Variants in PDE4B observed in about 807,000 individuals in gnomAD.
PDE4B encodes the protein 3',5'-cyclic-AMP phosphodiesterase 4B.
PDE4B carries 20 observed loss-of-function variants against 82.2 expected under a neutral mutation model. That is an observed-to-expected ratio of 0.24 (90% CI 0.17 to 0.35). PDE4B has a LOEUF of 0.35. Ranked by LOEUF, PDE4B falls within the 10% of genes least tolerant of loss-of-function variation. PDE4B has a pLI of 1.00. For synonymous variants in PDE4B, 320 were observed against 318.9 expected, an observed-to-expected ratio of 1.00 and a Z score of -0.04; for missense variants, 655 against 907.2, an observed-to-expected ratio of 0.72 and a Z score of 3.57.
intron 3 of PDE4B, among the ~76,000 whole-genome samples, chr1:66,081,915 A>G (rs1656761321): frequency 6.6e-6 from 1 of 151,946 alleles, no homozygotes; most frequent in Admixed American, 6.6e-5. Context: ...GCCCATTAAA[A>G]TAGCATGTAC....
Position 66,372,589 on chromosome 1 carries a change from C to T in PDE4B, c.2122C>T (p.Leu708Phe). The part of the protein sequence containing the change: ...GHSYFSSTKT[L>F]CVIDPENRDS... Reference sequence around the variant, plus strand: ...CAGCTATTTCAGCAGCACAAAGACGCTTTGTGTGATTGATCCAGAAAACAG... The same window carrying T: ...CAGCTATTTCAGCAGCACAAAGACGTTTTGTGTGATTGATCCAGAAAACAG... Residue 708 changes from leucine (L) to phenylalanine (F), a missense_variant, in exon 17 of 17, where the codon CTT (leucine) becomes TTT (phenylalanine). Physicochemically the swap from Leu to Phe is conservative, Grantham distance 22. This residue lies in a region of PDE4B where 119 missense variants were observed against 115.2 expected (regional missense o/e 1.03). Transcript: ENST00000341517. 2 of 1,614,132 alleles carry T rather than the reference C, an allele frequency of 1.2e-6. No individual in the cohort carries two copies. The highest frequency in any genetic ancestry group is 1.7e-6 in the Non-Finnish European group (2 of 1,179,988).
At chr1:66,331,938 GA>G (rs1352215533) in intron 7 of PDE4B, 1 of 996,952 alleles carries the variant, frequency 1.0e-6, no homozygotes, top group African/African-American at 1.7e-5. Context: ...CGCTGAATTA[GA>G]AGTTATTCCA....
At chr1:66,333,813 A>G (rs1352153184) in intron 8 of PDE4B, among the ~76,000 whole-genome samples, 2 of 152,064 alleles carry the variant, frequency 1.3e-5, no homozygotes. Context: ...CTCTTTGTTT[A>G]TTGGTTAATG....
chr1:66,295,122 G>A (rs1416017021), intron 7 of PDE4B, among the ~76,000 whole-genome samples: 2 of 152,294 alleles, frequency 1.3e-5, no homozygotes, highest in East Asian at 3.9e-4. Flanking sequence ...GGACTTCGAA[G>A]TAGGGGAAGT....
rs569326524 is a variant in PDE4B at position 66,077,939 on chromosome 1, G to T, written c.281+159104G>T. 1.2e-3 allele frequency among the ~76,000 whole-genome samples: 181 copies of T among 152,232 alleles called. 2 individuals are homozygous for T. The highest frequency in any genetic ancestry group is 1.7e-3 in the Non-Finnish European group (114 of 68,004). On this transcript the variant is annotated intron_variant, in intron 3 of 16. Transcript: ENST00000341517. ...TTCTCTGTACTGTTCTAAGCAATTTGTAAAAATTATTTCTCACAATGGTAG... is the reference window on the plus strand; with the variant it reads ...TTCTCTGTACTGTTCTAAGCAATTTTTAAAAATTATTTCTCACAATGGTAG...
At chr1:66,340,496 A>T (rs1660896027) in intron 8 of PDE4B, among the ~76,000 whole-genome samples, 1 of 152,210 alleles carries the variant, frequency 6.6e-6, no homozygotes, top group Admixed American at 6.5e-5. Flanking sequence ...TTTGAAATCT[A>T]GAGCCCCCAA....
chr1:65,890,080 A>G (rs955360194), intron 1 of PDE4B, among the ~76,000 whole-genome samples: 3 of 152,102 alleles, frequency 2.0e-5, no homozygotes, highest in African/African-American at 4.8e-5. Context: ...TAGAACTGCT[A>G]GAACTGCTAA....
chr1:66,357,252 G>A lies in PDE4B; in HGVS notation c.841+1632G>A, dbSNP rs1487367250. Among the ~76,000 whole-genome samples, 3 of 152,110 alleles carry A rather than the reference G, an allele frequency of 2.0e-5. No individual in the cohort carries two copies. The East Asian group carries it at 5.8e-4, about 29-fold the overall frequency. The stretch of plus-strand genomic sequence containing the variant: ...CTGAGCCCTTAATCATCCAAGACTG[G>A]ACCTAAGCAGTCCTCTTCGTTTGTA... On this transcript the variant is annotated intron_variant, in intron 9 of 16. Transcript: ENST00000341517.
At chr1:66,361,025 G>A (rs1047587627) in intron 9 of PDE4B, among the ~76,000 whole-genome samples, 1 of 152,026 alleles carries the variant, frequency 6.6e-6, no homozygotes, top group African/African-American at 2.4e-5. Flanking sequence ...AATAAACCAA[G>A]CCCTTAAAGT....
At chr1:66,016,645 A>T (rs986657170) in intron 3 of PDE4B, among the ~76,000 whole-genome samples, 1 of 152,202 alleles carries the variant, frequency 6.6e-6, no homozygotes, top group East Asian at 1.9e-4. Flanking sequence ...AAGATAAGGA[A>T]ATGTCTTAGC....
chr1:65,884,019 G>C (rs1056101108), intron 1 of PDE4B, among the ~76,000 whole-genome samples: 8 of 152,120 alleles, frequency 5.3e-5, no homozygotes, highest in Non-Finnish European at 2.9e-5. Context: ...ACTTGATCAT[G>C]GTGGATAAGC....
At chr1:65,994,774 G>A (rs1213955393) in intron 3 of PDE4B, among the ~76,000 whole-genome samples, 1 of 152,060 alleles carries the variant, frequency 6.6e-6, no homozygotes, top group Non-Finnish European at 1.5e-5. Flanking sequence ...ATAATGATAA[G>A]TCTTCTTAAA....
At chr1:65,886,221 A>G (rs1646774718) in intron 1 of PDE4B, among the ~76,000 whole-genome samples, 1 of 152,138 alleles carries the variant, frequency 6.6e-6, no homozygotes, top group African/African-American at 2.4e-5. Context: ...ATATTATACA[A>G]ACTATTATTT....
intron 2 of PDE4B, among the ~76,000 whole-genome samples, chr1:65,915,610 AT>A (rs1226958435): frequency 1.3e-5 from 2 of 152,196 alleles, no homozygotes; most frequent in Admixed American, 1.3e-4. Context: ...AAGCACCAGC[AT>A]TTCTCATCTG....
intron 7 of PDE4B, among the ~76,000 whole-genome samples, chr1:66,305,813 TC>T (rs1414204078): frequency 2.0e-5 from 3 of 152,208 alleles, no homozygotes; most frequent in African/African-American, 7.2e-5. Flanking sequence ...ATTAATTTAT[TC>T]TTTTATCCTT....
At chr1:66,212,665 C>T (rs1110369) in intron 3 of PDE4B, among the ~76,000 whole-genome samples, 74,049 of 152,026 alleles carry the variant, frequency 0.49, 19,146 homozygotes, top group South Asian at 0.63. Context: ...TTTGTGCCCA[C>T]AAGCACCTAG....
At chr1:65,934,595 G>A (rs1227380625) in intron 3 of PDE4B, among the ~76,000 whole-genome samples, 1 of 152,166 alleles carries the variant, frequency 6.6e-6, no homozygotes, top group East Asian at 1.9e-4. Flanking sequence ...AAGAGCAGTT[G>A]AATGAATTAG....
chr1:66,015,216 G>A (rs1652701728), intron 3 of PDE4B, among the ~76,000 whole-genome samples: 2 of 152,004 alleles, frequency 1.3e-5, no homozygotes, highest in African/African-American at 4.8e-5. Context: ...TTGTAGGATT[G>A]ATCATAAGAA....
At chr1:65,926,604 A>T (rs928452223) in intron 3 of PDE4B, among the ~76,000 whole-genome samples, 6 of 152,124 alleles carry the variant, frequency 3.9e-5, no homozygotes, top group Non-Finnish European at 7.4e-5. Flanking sequence ...TTACTGTTTT[A>T]TCTCCCTTTC....
Sources: allele counts gnomAD v4.1 joint callset (sites outside exome capture counted in the v4.1 genomes callset), GRCh38; gene constraint gnomAD v4.1.1; regional missense constraint gnomAD v4.1.1; transcripts MANE v1.5; gene names NCBI Gene and HGNC (gene_info 2026-07-23, HGNC 2026-07-21).